The following MYO18B variants were observed in gnomAD, a reference collection of about 807,000 sequenced individuals.
MYO18B encodes the protein unconventional myosin-XVIIIb.
MYO18B carries 204 observed loss-of-function variants against 273.0 expected under a neutral mutation model. The ratio of observed to expected loss-of-function variants is 0.75; its 90% confidence interval spans 0.67 to 0.84. The LOEUF is 0.84. Ranked by LOEUF, MYO18B falls within the 40% of genes least tolerant of loss-of-function variation. The probability of loss-of-function intolerance (pLI) is 0.00; values close to 1 mark genes in which losing one functional copy is unlikely to be tolerated. For synonymous variants in MYO18B, 1,330 were observed against 1,305.7 expected, an observed-to-expected ratio of 1.02 and a Z score of -0.40; for missense variants, 3,212 against 3,287.6, an observed-to-expected ratio of 0.98 and a Z score of 0.56.
chr22:25,990,721 GAAAAAGAAA>G (rs2093260118), intron 39 of MYO18B, among the ~76,000 whole-genome samples: 1 of 26,996 alleles, frequency 3.7e-5, no homozygotes, highest in Admixed American at 3.5e-4. Context: ...AAAAAAAAAA[GAAAAAGAAA>G]AAAAAAAAGA....
intron 11 of MYO18B, among the ~76,000 whole-genome samples, chr22:25,788,438 G>C (rs893536578): frequency 6.6e-6 from 1 of 152,184 alleles, no homozygotes; most frequent in African/African-American, 2.4e-5. Flanking sequence ...TTTAGTATAA[G>C]CATGTCCCAA....
chr22:25,948,596 T>A (rs2092755972), intron 36 of MYO18B, among the ~76,000 whole-genome samples: 2 of 149,218 alleles, frequency 1.3e-5, no homozygotes, highest in Admixed American at 6.7e-5. Flanking sequence ...TCTTTCTTCT[T>A]ATCTTTCTAT....
chr22:25,764,002 GC>G (rs1297866382), intron 3 of MYO18B, among the ~76,000 whole-genome samples: 1 of 152,078 alleles, frequency 6.6e-6, no homozygotes, highest in Admixed American at 6.5e-5. Flanking sequence ...GTAACCCTTG[GC>G]CCCCCAAGTG....
intron 33 of MYO18B, among the ~76,000 whole-genome samples, chr22:25,920,878 C>T (rs2092330350): frequency 2.0e-5 from 3 of 152,196 alleles, no homozygotes; most frequent in Non-Finnish European, 4.4e-5. Context: ...GAGGGATTCA[C>T]CTGGCACATG....
intron 12 of MYO18B, among the ~76,000 whole-genome samples, chr22:25,820,120 A>G (rs1018593301): frequency 1.4e-5 from 2 of 147,598 alleles, no homozygotes; most frequent in Admixed American, 1.4e-4. Flanking sequence ...CATCATCTCC[A>G]TCATTTTTTA....
chr22:26,033,182 T>C (rs1936704220), downstream of MYO18B, among the ~76,000 whole-genome samples: 1 of 152,134 alleles, frequency 6.6e-6, no homozygotes, highest in South Asian at 2.1e-4. Context: ...ACCTTTGAGT[T>C]TCCATGCACT....
intron 34 of MYO18B, among the ~76,000 whole-genome samples, chr22:25,928,099 G>T (rs1445535956): frequency 6.6e-6 from 1 of 152,116 alleles, no homozygotes; most frequent in Non-Finnish European, 1.5e-5. Flanking sequence ...TATTGCTGGA[G>T]TATAAGGTAT....
intron 40 of MYO18B, among the ~76,000 whole-genome samples, chr22:25,997,734 C>T (rs184234957): frequency 6.6e-6 from 1 of 152,204 alleles, no homozygotes; most frequent in East Asian, 1.9e-4. Context: ...AATCCACCGT[C>T]CATAGCAGAA....
chr22:26,040,819 G>C, the MYO18B span, among the ~76,000 whole-genome samples: 1 of 152,136 alleles, frequency 6.6e-6, no homozygotes, highest in South Asian at 2.1e-4. Flanking sequence ...GTGAGGAATG[G>C]TGGACAAGAT....
intron 12 of MYO18B, 33 bp from the exon 13 acceptor site, chr22:25,823,472 C>A: frequency 6.2e-7 from 1 of 1,605,184 alleles, no homozygotes; most frequent in South Asian, 1.1e-5. Context: ...CCCAAGGCCT[C>A]ACTGCCACGC....
chr22:25,989,303 A>C (rs2093235566), intron 39 of MYO18B, among the ~76,000 whole-genome samples: 1 of 152,166 alleles, frequency 6.6e-6, no homozygotes, highest in African/African-American at 2.4e-5. Context: ...ACATTCGTTG[A>C]ACCAATGCTT....
chr22:25,843,688 G>A (rs1429369627), intron 17 of MYO18B, 47 bp from the exon 18 acceptor site: 10 of 1,567,856 alleles, frequency 6.4e-6, no homozygotes. Context: ...TGATTGCAGA[G>A]TGTCCTCAAC....
chr22:25,965,174 C>T lies in MYO18B; in HGVS notation c.6156+9810C>T, dbSNP rs140446414. 2.4e-3 allele frequency: 358 copies of T among 152,316 alleles called. 3 individuals are homozygous for T. The highest frequency in any genetic ancestry group is 8.4e-3 in the African/African-American group (350 of 41,578). 9.4% of individuals were successfully genotyped at this position (152,316 alleles called of 1,614,324 possible). ...GCTCTACTTCTGTTAAATCTAGCAT[C>T]AATTATATATGGTTCATGCATTATT... On this transcript the variant is annotated intron_variant, in intron 39 of 43. Coordinates refer to ENST00000335473, the MANE Select transcript of MYO18B (RefSeq NM_032608.7).
intron 6 of MYO18B, among the ~76,000 whole-genome samples, 198 bp downstream of exon 6, chr22:25,771,182 G>T (rs965520124): frequency 1.3e-5 from 2 of 152,176 alleles, no homozygotes; most frequent in Admixed American, 6.5e-5. Context: ...ACTATTAGGG[G>T]GTCATTCACC....
At chr22:25,839,165 CATGTGTGT>C (rs1271536739) in intron 17 of MYO18B, among the ~76,000 whole-genome samples, 1 of 147,352 alleles carries the variant, frequency 6.8e-6, no homozygotes, top group African/African-American at 2.5e-5. Context: ...TATGTGTGTG[CATGTGTGT>C]ATATATGTAT....
At chr22:26,052,795 GTTTTTTTTTTTGGT>G in the MYO18B span, among the ~76,000 whole-genome samples, 1 of 141,984 alleles carries the variant, frequency 7.0e-6, no homozygotes, top group Non-Finnish European at 1.5e-5. Context: ...GAATTGGGTG[GTTTTTTTTTTTGGT>G]TTTTTTTTTT....
chr22:25,878,328 T>A (rs2091256213), intron 25 of MYO18B, among the ~76,000 whole-genome samples: 1 of 152,056 alleles, frequency 6.6e-6, no homozygotes, highest in South Asian at 2.1e-4. Flanking sequence ...CTTAAATAAG[T>A]CACAAAAGCA....
At chr22:25,951,349 TACTC>T in intron 37 of MYO18B, among the ~76,000 whole-genome samples, 1 of 152,374 alleles carries the variant, frequency 6.6e-6, no homozygotes, top group East Asian at 1.9e-4. Context: ...TTCATTCAAA[TACTC>T]ACTCAATTCC....
intron 40 of MYO18B, among the ~76,000 whole-genome samples, chr22:25,997,958 A>ACACACAAAC (rs1569278959): frequency 4.7e-5 from 5 of 105,706 alleles, no homozygotes; most frequent in African/African-American, 1.7e-4. Context: ...CACACACACA[A>ACACACAAAC]ACACACACAC....
Sources: gnomAD v4.1 joint callset for allele counts (sites outside exome capture counted in the v4.1 genomes callset) on GRCh38, gnomAD v4.1.1 for gene constraint, MANE v1.5 for transcripts, NCBI Gene and HGNC (gene_info 2026-07-23, HGNC 2026-07-21) for gene names.